The following FAM227B variants were observed in gnomAD, a reference collection of about 807,000 sequenced individuals.
The protein encoded by FAM227B is protein FAM227B.
FAM227B carries 88 observed loss-of-function variants against 73.8 expected under a neutral mutation model. The observed-to-expected ratio is 1.19, with a 90% CI of 1.00 to 1.42. The LOEUF (loss-of-function observed/expected upper bound fraction) is 1.42, where lower values mean the gene tolerates loss of function less well. FAM227B is among the 40% of genes most tolerant of loss of function. The pLI is 0.00. For synonymous variants in FAM227B, 210 were observed against 190.5 expected, an observed-to-expected ratio of 1.10 and a Z score of -0.84; for missense variants, 632 against 590.9, an observed-to-expected ratio of 1.07 and a Z score of -0.72.
At chr15:49,469,185 T>C (rs962350174) in intron 11 of FAM227B, among the ~76,000 whole-genome samples, 4 of 152,206 alleles carry the variant, frequency 2.6e-5, no homozygotes, top group Non-Finnish European at 5.9e-5. Flanking sequence ...TATTTTCTTA[T>C]AAGACATTTG....
At chr15:49,335,362 T>C in intron 14 of FAM227B, 57 bp downstream of exon 14, 3 of 1,144,810 alleles carry the variant, frequency 2.6e-6, no homozygotes, top group Non-Finnish European at 3.9e-6. Flanking sequence ...TCTCTGATTG[T>C]TTCCAGTTCT....
intron 10 of FAM227B, among the ~76,000 whole-genome samples, chr15:49,526,220 A>C (rs567889925): frequency 6.6e-6 from 1 of 152,296 alleles, no homozygotes; most frequent in South Asian, 2.1e-4. Context: ...CCACAGTGGA[A>C]TAAAATTAAA....
chr15:49,340,349 G>A (rs769294598), intron 13 of FAM227B, among the ~76,000 whole-genome samples: 12 of 152,152 alleles, frequency 7.9e-5, no homozygotes, highest in Admixed American at 3.9e-4. Flanking sequence ...GCTTCCCTTG[G>A]GTGGGAGAGG....
chr15:49,424,718 T>A, intron 11 of FAM227B: 1 of 600,194 alleles, frequency 1.7e-6, no homozygotes, highest in Non-Finnish European at 2.8e-6. Context: ...TTCTCTAAAT[T>A]GAACTATGTT....
intron 9 of FAM227B, among the ~76,000 whole-genome samples, chr15:49,544,224 A>G (rs997420171): frequency 6.6e-6 from 1 of 152,038 alleles, no homozygotes; most frequent in African/African-American, 2.4e-5. Flanking sequence ...GGTTAGGTAT[A>G]TTCCCAAGTT....
intron 11 of FAM227B, among the ~76,000 whole-genome samples, chr15:49,475,286 C>T (rs1195182833): frequency 2.0e-5 from 3 of 152,030 alleles, no homozygotes; most frequent in Admixed American, 1.3e-4. Flanking sequence ...GAAGAGAGAA[C>T]GCCAATAAAG....
intron 8 of FAM227B, among the ~76,000 whole-genome samples, chr15:49,572,369 G>A (rs1183760073): frequency 1.3e-5 from 2 of 151,794 alleles, no homozygotes; most frequent in African/African-American, 4.8e-5. Flanking sequence ...CTTTTTTAAT[G>A]TAAGAATTTA....
chr15:49,329,383 T>G, intron 15 of FAM227B: 1 of 985,362 alleles, frequency 1.0e-6, no homozygotes, highest in Non-Finnish European at 1.2e-6. Context: ...GTAATTGAGA[T>G]AGCAATGGTT....
chr15:49,367,357 C>A (rs568131911), intron 13 of FAM227B, 91 bp downstream of exon 13: 34 of 1,144,274 alleles, frequency 3.0e-5, no homozygotes, highest in Non-Finnish European at 3.9e-5. Flanking sequence ...AACATGCATT[C>A]AATTTGTTTC....
chr15:49,585,186 A>C, intron 5 of FAM227B, among the ~76,000 whole-genome samples: 1 of 152,054 alleles, frequency 6.6e-6, no homozygotes, highest in Non-Finnish European at 1.5e-5. Context: ...AAAAGTCAGG[A>C]AACAACAGGT....
chr15:49,561,670 A>C (rs1044645688), intron 9 of FAM227B, among the ~76,000 whole-genome samples: 22 of 152,160 alleles, frequency 1.4e-4, no homozygotes, highest in African/African-American at 5.3e-4. Flanking sequence ...CAGTGGAATA[A>C]CAACACAAAT....
chr15:49,366,325 T>C (rs765448052), intron 13 of FAM227B: 76 of 786,580 alleles, frequency 9.7e-5, no homozygotes, highest in Admixed American at 2.4e-4. Context: ...AGGTAGGAAA[T>C]AGGATACTGT....
intron 13 of FAM227B, among the ~76,000 whole-genome samples, chr15:49,351,370 C>G (rs893087691): frequency 6.6e-6 from 1 of 152,158 alleles, no homozygotes; most frequent in Non-Finnish European, 1.5e-5. Flanking sequence ...ACGGCCAATT[C>G]CGCCCAAACT....
intron 11 of FAM227B, among the ~76,000 whole-genome samples, chr15:49,428,098 TG>T (rs1381976077): frequency 6.6e-6 from 1 of 151,786 alleles, no homozygotes; most frequent in Non-Finnish European, 1.5e-5. Flanking sequence ...ACTATGAAGA[TG>T]GGGGAATTCA....
intron 11 of FAM227B, among the ~76,000 whole-genome samples, chr15:49,410,778 G>A (rs1231222756): frequency 6.6e-6 from 1 of 152,056 alleles, no homozygotes; most frequent in Non-Finnish European, 1.5e-5. Context: ...GTTATTATTT[G>A]AGAATTCTTT....
intron 9 of FAM227B, among the ~76,000 whole-genome samples, chr15:49,559,710 G>A (rs1231886831): frequency 6.6e-6 from 1 of 152,150 alleles, no homozygotes; most frequent in Non-Finnish European, 1.5e-5. Context: ...GCTGAGGCAG[G>A]CAGATCACGA....
intron 11 of FAM227B, among the ~76,000 whole-genome samples, chr15:49,491,863 A>C (rs1433580236): frequency 2.0e-5 from 3 of 151,904 alleles, no homozygotes; most frequent in Non-Finnish European, 4.4e-5. Flanking sequence ...ATAAAAGTAA[A>C]AGTAACTATT....
At chr15:49,389,942 T>C (rs1173109602) in intron 11 of FAM227B, among the ~76,000 whole-genome samples, 3 of 152,070 alleles carry the variant, frequency 2.0e-5, no homozygotes, top group African/African-American at 4.8e-5. Flanking sequence ...GGCCGTATTT[T>C]CTATGTCAAC....
At chr15:49,532,565 G>A (rs887695026) in intron 10 of FAM227B, among the ~76,000 whole-genome samples, 4 of 151,274 alleles carry the variant, frequency 2.6e-5, no homozygotes, top group East Asian at 1.9e-4. Flanking sequence ...TAGAGAAAAC[G>A]GGAATGAAAA....
Sources: gnomAD v4.1 joint callset for allele counts (sites outside exome capture counted in the v4.1 genomes callset) on GRCh38, gnomAD v4.1.1 for gene constraint, MANE v1.5 for transcripts, NCBI Gene and HGNC (gene_info 2026-07-23, HGNC 2026-07-21) for gene names.